The following NECTIN1 variants were observed in gnomAD, a reference collection of about 807,000 sequenced individuals.
The protein encoded by NECTIN1 is nectin-1.
A neutral mutation model predicts 48.0 loss-of-function variants in NECTIN1; 23 were observed. That is an observed-to-expected ratio of 0.48 (90% CI 0.34 to 0.68). NECTIN1 has a LOEUF of 0.68. Among genes scored for constraint, NECTIN1 ranks in the 30% least tolerant of loss-of-function variants. The pLI is 0.01. For synonymous variants in NECTIN1, 270 were observed against 288.9 expected (o/e 0.93, Z 0.66); for missense variants, 591 against 709.9 (o/e 0.83, Z 1.90).
chr11:119,638,876 C>G (rs1864278187), intron 6 of NECTIN1: 1 of 1,361,364 alleles, frequency 7.3e-7, no homozygotes, highest in Non-Finnish European at 1.0e-6. Flanking sequence ...GGCCACCAGA[C>G]AGCTACCGGT....
Position 119,700,721 on chromosome 11 carries a change from G to A in NECTIN1, c.80-21956C>T, listed in dbSNP as rs926656623. Among the ~76,000 whole-genome samples, 12 of 152,232 alleles carry A rather than the reference G, an allele frequency of 7.9e-5. 1 individual carries two copies. The highest frequency in any genetic ancestry group is 7.2e-4 in the Admixed American group (11 of 15,282). ...AGAATGGATTTTGCAACCCTTCAAG[G>A]TGTTGTATGCAAGGCGTGGCTCTGT... On this transcript the variant is annotated intron_variant, in intron 1 of 5. Coordinates refer to ENST00000264025, the MANE Select transcript of NECTIN1 (RefSeq NM_002855.5).
intron 5 of NECTIN1, among the ~76,000 whole-genome samples, chr11:119,674,161 G>C (rs973912031): frequency 3.3e-5 from 5 of 152,134 alleles, no homozygotes; most frequent in Non-Finnish European, 7.3e-5. Flanking sequence ...CCGGAGCCCA[G>C]CAACTGCCGA....
intron 1 of NECTIN1, among the ~76,000 whole-genome samples, chr11:119,721,480 G>A (rs1200736237): frequency 1.3e-5 from 2 of 152,244 alleles, no homozygotes; most frequent in African/African-American, 4.8e-5. Flanking sequence ...TGTCCCTGTG[G>A]AGCCACCAGC....
rs1864868154 is a variant in NECTIN1 at position 119,672,064 on chromosome 11, C to T, written c.1003+3095G>A. 6.6e-6 allele frequency among the ~76,000 whole-genome samples: 1 copy of T among 152,260 alleles called. No individual in the cohort carries two copies. The highest frequency in any genetic ancestry group is 1.5e-5 in the Non-Finnish European group (1 of 68,046). On this transcript the variant is annotated intron_variant, in intron 5 of 5. Coordinates refer to ENST00000264025, the MANE Select transcript of NECTIN1 (RefSeq NM_002855.5). This position sits in a 1 kb window ranked among gnomAD's most constrained non-coding sequence, Gnocchi z 4.3. ...CTTCCAGGACACTGGCCTTCAAGGC[C>T]CGCAATTCTGGGTCTGAAGAACTCC...
downstream of NECTIN1, among the ~76,000 whole-genome samples, chr11:119,658,233 C>T (rs2135537333): frequency 6.6e-6 from 1 of 152,184 alleles, no homozygotes; most frequent in African/African-American, 2.4e-5. Context: ...TGTGTGTGTG[C>T]TGTGGGAGGT....
rs1864273305 is a variant in NECTIN1, at chr11:119,638,697, C to G, written c.1227+34G>C. Reference sequence around the variant, plus strand: ...TCCCATTTTTCTCCCTCCCCGCAGTCCAGGGACCTTGTCCTCTGCTGCCTC... The same window carrying G: ...TCCCATTTTTCTCCCTCCCCGCAGTGCAGGGACCTTGTCCTCTGCTGCCTC... On this transcript the variant is annotated intron_variant, in intron 7 of 7. Transcript: ENST00000341398. 3 of 1,590,504 alleles carry G rather than the reference C, an allele frequency of 1.9e-6. No individual in the cohort carries two copies. The Admixed American group carries it at 5.0e-5, about 27-fold the overall frequency.
intron 1 of NECTIN1, among the ~76,000 whole-genome samples, chr11:119,698,884 C>T (rs1283319609): frequency 2.0e-5 from 3 of 152,154 alleles, no homozygotes; most frequent in Non-Finnish European, 4.4e-5. Flanking sequence ...TTTCTAGCAT[C>T]CCAAAGTGGG....
At position 119,663,468 on chromosome 11, in the gene NECTIN1, G is replaced by A. The variant is rs1348661594; in HGVS notation, c.*1279C>T. The A allele has an allele frequency of 1.0e-6, 1 of 985,422 alleles. No individual in the cohort carries two copies. Among genetic ancestry groups the A allele is most frequent in the African/African-American group, 1.7e-5 (1 of 57,240 alleles). 61.0% of individuals were successfully genotyped at this position (985,422 alleles called of 1,614,324 possible). A position where few individuals can be genotyped will look rare whatever the true frequency, so the allele number is the denominator to read the frequency against. On this transcript the variant is annotated 3_prime_UTR_variant, in exon 6 of 6. Transcript: ENST00000264025. ...ATGAGGACCAGGGGTGGCTGAGCAGGAGGTGGCCTAGCGGCCCCACCCCCC... is the reference window on the plus strand; with the variant it reads ...ATGAGGACCAGGGGTGGCTGAGCAGAAGGTGGCCTAGCGGCCCCACCCCCC...
At position 119,662,769 on chromosome 11, in the gene NECTIN1, C is replaced by A; in HGVS notation, c.*1978G>T. 9 of 986,594 alleles carry A rather than the reference C, an allele frequency of 9.1e-6. No individual in the cohort carries two copies. The highest frequency in any genetic ancestry group is 1.1e-5 in the Non-Finnish European group (9 of 830,578). 61.1% of individuals were successfully genotyped at this position (986,594 alleles called of 1,614,324 possible). A position where few individuals can be genotyped will look rare whatever the true frequency, so the allele number is the denominator to read the frequency against. On this transcript the variant is annotated 3_prime_UTR_variant, in exon 6 of 6. Coordinates refer to ENST00000264025, the MANE Select transcript of NECTIN1 (RefSeq NM_002855.5). This position sits in a 1 kb window ranked among gnomAD's most constrained non-coding sequence, Gnocchi z 5.3. ...TGGGAAAAGCAGCCCAGCTCCTCCACCTCCCTCTGCCCTGTGGCTGGAAAG... is the reference window on the plus strand; with the variant it reads ...TGGGAAAAGCAGCCCAGCTCCTCCAACTCCCTCTGCCCTGTGGCTGGAAAG...
At chr11:119,690,583 G>A (rs1186401366) in intron 1 of NECTIN1, among the ~76,000 whole-genome samples, 1 of 152,206 alleles carries the variant, frequency 6.6e-6, no homozygotes, top group East Asian at 1.9e-4. Flanking sequence ...GCCGGAGGTA[G>A]GCCAGGAGGG....
chr11:119,667,592 G>A (rs1864796271), intron 5 of NECTIN1, among the ~76,000 whole-genome samples: 1 of 152,234 alleles, frequency 6.6e-6, no homozygotes, highest in South Asian at 2.1e-4. Context: ...TCCAGATGGA[G>A]GGAGCTGCCA....
chr11:119,669,191 C>A (rs1591451833), intron 5 of NECTIN1, among the ~76,000 whole-genome samples: 2 of 152,266 alleles, frequency 1.3e-5, no homozygotes, highest in South Asian at 4.1e-4. Flanking sequence ...GCGGACGGAT[C>A]ACCTAAGGTC....
chr11:119,689,418 C>A (rs1017984040), intron 1 of NECTIN1, among the ~76,000 whole-genome samples: 1 of 152,220 alleles, frequency 6.6e-6, no homozygotes, highest in Non-Finnish European at 1.5e-5. Flanking sequence ...ATCTGGCACT[C>A]CCAGCACTTC....
downstream of NECTIN1, among the ~76,000 whole-genome samples, chr11:119,657,235 C>A (rs1046577144): frequency 2.6e-5 from 4 of 152,164 alleles, no homozygotes; most frequent in African/African-American, 9.7e-5. Context: ...GTCTCAAGAC[C>A]CACCTCTTCC....
rs1864823802 is a variant in NECTIN1, at chr11:119,669,103, A to G, written c.1004-3806T>C. Among the ~76,000 whole-genome samples the G allele has an allele frequency of 2.0e-5, 3 of 152,210 alleles. No individual in the cohort carries two copies. In the South Asian group the frequency reaches 6.2e-4, roughly 32 times the overall value. The stretch of plus-strand genomic sequence containing the variant: ...CACAGGAATGACTGGTGTCCCAACT[A>G]GTTTGTAAGTTATAATTGAAAATGC... On this transcript the variant is annotated intron_variant, in intron 5 of 5. Coordinates refer to ENST00000264025, the MANE Select transcript of NECTIN1 (RefSeq NM_002855.5).
At chr11:119,666,824 G>A (rs552657483) in intron 5 of NECTIN1, among the ~76,000 whole-genome samples, 4 of 152,280 alleles carry the variant, frequency 2.6e-5, no homozygotes, top group African/African-American at 7.2e-5. Context: ...TATCCCACTC[G>A]GCAGGCTGCA....
rs115716230 is a variant in NECTIN1 at position 119,643,470 on chromosome 11, C to A, written c.1004-3458G>T. ...CAGTGGCTGAGGGCACTGGGATCTG[C>A]GCCTGTGTGCTGTTCTCCCTGCCTC... is the stretch of plus-strand genomic sequence containing the variant. On this transcript the variant is annotated intron_variant, in intron 5 of 7. Transcript: ENST00000341398. Among the ~76,000 whole-genome samples, 6 of 152,336 alleles carry A rather than the reference C, an allele frequency of 3.9e-5. No homozygotes were observed. The East Asian group carries it at 1.2e-3, about 29-fold the overall frequency.
intron 1 of NECTIN1, among the ~76,000 whole-genome samples, chr11:119,691,945 G>A (rs1044249308): frequency 1.3e-5 from 2 of 152,114 alleles, no homozygotes; most frequent in Non-Finnish European, 2.9e-5. Flanking sequence ...CTCCTCTGCC[G>A]CGGCCTGTCT....
intron 1 of NECTIN1, among the ~76,000 whole-genome samples, chr11:119,716,594 T>C (rs1865745856): frequency 6.6e-6 from 1 of 152,160 alleles, no homozygotes; most frequent in African/African-American, 2.4e-5. Context: ...TGGGGAAAAA[T>C]AGTCAAACTA....
Sources: gnomAD v4.1 joint callset for allele counts (sites outside exome capture counted in the v4.1 genomes callset) on GRCh38, gnomAD v4.1.1 for gene constraint, Gnocchi (gnomAD v3.1) non-coding constraint, MANE v1.5 for transcripts, NCBI Gene and HGNC (gene_info 2026-07-23, HGNC 2026-07-21) for gene names.